The following TNFRSF8 variants were observed in gnomAD, a reference collection of about 807,000 sequenced individuals.
TNFRSF8 encodes TNF receptor superfamily member 8.
Under a neutral mutation model 70.8 loss-of-function variants are expected in TNFRSF8, and 26 were observed. That is an observed-to-expected ratio of 0.37 (90% CI 0.27 to 0.51). The LOEUF (loss-of-function observed/expected upper bound fraction) is 0.51, where lower values mean the gene tolerates loss of function less well. TNFRSF8 is among the 20% of genes least tolerant of loss of function. The pLI, the probability that TNFRSF8 is intolerant of heterozygous loss-of-function variation, is 0.94. For synonymous variants in TNFRSF8, 356 were observed against 339.2 expected, an observed-to-expected ratio of 1.05 and a Z score of -0.54; for missense variants, 720 against 807.9, an observed-to-expected ratio of 0.89 and a Z score of 1.32.
intron 2 of TNFRSF8, among the ~76,000 whole-genome samples, chr1:12,093,842 G>A (rs947106843): frequency 3.3e-5 from 5 of 152,050 alleles, no homozygotes; most frequent in African/African-American, 1.2e-4. Flanking sequence ...AGGCCAAGGC[G>A]GGACGGATCA....
At position 12,110,132 on chromosome 1, in the gene TNFRSF8, C is replaced by G; in HGVS notation, c.604C>G (p.Gln202Glu). 1 of 1,613,698 alleles carries G rather than the reference C, an allele frequency of 6.2e-7. No individual in the cohort carries two copies. Among genetic ancestry groups the G allele is most frequent in the East Asian group, 2.2e-5 (1 of 44,876 alleles). ...MPVRGGTRLA[Q>E]EAASKLTRAP... ...TGTAAGAGGGGGCACCCGCCTCGCC[C>G]AGGAAGCTGCTTCTAAACTGACGAG... Residue 202 changes from glutamine (Q) to glutamate (E), a missense_variant, in exon 6 of 15, where the codon CAG becomes GAG. Physicochemically the swap from Gln to Glu is conservative, Grantham distance 29. Transcript: ENST00000263932. The surrounding 1 kb of genome is among the most constrained non-coding windows in gnomAD (Gnocchi z 4.0).
At chr1:12,090,323 C>T (rs2100976617) in intron 2 of TNFRSF8, among the ~76,000 whole-genome samples, 1 of 134,274 alleles carries the variant, frequency 7.4e-6, no homozygotes, top group South Asian at 2.2e-4. Context: ...CACCTTTCCC[C>T]ATCCATCCAT....
chr1:12,104,288 C>A, intron 3 of TNFRSF8, 91 bp from the exon 4 acceptor site: 1 of 1,446,586 alleles, frequency 6.9e-7, no homozygotes, highest in Non-Finnish European at 9.7e-7. Flanking sequence ...GCGTTGCGGA[C>A]TGCACCTGCC....
chr1:12,091,898 T>G, intron 2 of TNFRSF8, among the ~76,000 whole-genome samples: 1 of 152,180 alleles, frequency 6.6e-6, no homozygotes, highest in Non-Finnish European at 1.5e-5. Flanking sequence ...CCCTTGCACG[T>G]GCAGTTCACA....
At chr1:12,131,981 A>G (rs906813710) in intron 12 of TNFRSF8, among the ~76,000 whole-genome samples, 1 of 150,624 alleles carries the variant, frequency 6.6e-6, no homozygotes, top group Non-Finnish European at 1.5e-5. Context: ...TTTAGTAGAG[A>G]TGGGGTTTCA....
At chr1:12,069,692 A>C (rs1640809060) in intron 1 of TNFRSF8, among the ~76,000 whole-genome samples, 1 of 152,206 alleles carries the variant, frequency 6.6e-6, no homozygotes, top group African/African-American at 2.4e-5. Context: ...CACCTTCTGC[A>C]TGCCAGGAAG....
Position 12,109,416 on chromosome 1 carries a change from A to T in TNFRSF8, c.422-150A>T. ...GATAGGCTGCTTTACTCTGAAGGGG[A>T]ACGGGTGCCAGGCGGGTGCCACCTC... On this transcript the variant is annotated intron_variant, in intron 4 of 14. Coordinates refer to ENST00000263932, the MANE Select transcript of TNFRSF8 (RefSeq NM_001243.5). The surrounding 1 kb of genome is among the most constrained non-coding windows in gnomAD (Gnocchi z 4.4). 1 of 610,010 alleles carries T rather than the reference A, an allele frequency of 1.6e-6. No homozygotes were observed. Among genetic ancestry groups the T allele is most frequent in the Non-Finnish European group, 2.9e-6 (1 of 342,112 alleles). 37.8% of individuals were successfully genotyped at this position (610,010 alleles called of 1,614,324 possible).
intron 1 of TNFRSF8, chr1:12,077,883 A>C (rs554409243): frequency 1.3e-5 from 2 of 148,722 alleles, no homozygotes; most frequent in Non-Finnish European, 3.0e-5. Context: ...TTTTTTTTTT[A>C]AATATGGACC....
Position 12,095,191 on chromosome 1 carries a change from G to A in TNFRSF8, c.152-1910G>A, listed in dbSNP as rs369734646. ...AGATTATATTACAGTAGCTGCAGAT[G>A]TTGTGAAATGTTGTCTGGGCTCATC... On this transcript the variant is annotated intron_variant, in intron 2 of 14. Transcript: ENST00000263932. 4.6e-5 allele frequency among the ~76,000 whole-genome samples: 7 copies of A among 152,242 alleles called. No individual in the cohort carries two copies. The East Asian group carries it at 7.7e-4, about 17-fold the overall frequency.
At chr1:12,114,126 C>T (rs903119517) in intron 7 of TNFRSF8, among the ~76,000 whole-genome samples, 1 of 152,242 alleles carries the variant, frequency 6.6e-6, no homozygotes, top group African/African-American at 2.4e-5. Flanking sequence ...CTCTAGAACC[C>T]GAGTGCCGGG....
At chr1:12,104,265 G>A in intron 3 of TNFRSF8, 114 bp from the exon 4 acceptor site, 1 of 1,115,606 alleles carries the variant, frequency 9.0e-7, no homozygotes. Flanking sequence ...GGTTGAGCTG[G>A]GAGGCGGAGG....
chr1:12,142,502 C>T lies in TNFRSF8; in HGVS notation c.1759C>T (p.Pro587Ser). 4 of 1,583,478 alleles carry T rather than the reference C, an allele frequency of 2.5e-6. No homozygotes were observed. Among genetic ancestry groups the T allele is most frequent in the Non-Finnish European group, 2.6e-6 (3 of 1,164,904 alleles). Residue 587 changes from proline to serine, a missense_variant, in exon 15 of 15, where the codon CCC (proline) becomes TCC (serine). Physicochemically the swap from Pro to Ser is moderately conservative, Grantham distance 74 (BLOSUM62 -1). Coordinates refer to ENST00000263932, the MANE Select transcript of TNFRSF8 (RefSeq NM_001243.5). This position sits in a 1 kb window ranked among gnomAD's most constrained non-coding sequence, Gnocchi z 5.0. Reference sequence around the variant, plus strand: ...AGTGGAAGAGGAAGGGAAAGAAGACCCCTTGCCCACAGCTGCCTCTGGAAA... The same window carrying T: ...AGTGGAAGAGGAAGGGAAAGAAGACTCCTTGCCCACAGCTGCCTCTGGAAA... ...LSVEEEGKED[P>S]LPTAASGK
chr1:12,131,937 G>A (rs1435422689), intron 12 of TNFRSF8, among the ~76,000 whole-genome samples: 1 of 151,844 alleles, frequency 6.6e-6, no homozygotes. Flanking sequence ...GGGATTATAG[G>A]CGCGCGCCAC....
At chr1:12,079,874 C>A (rs961541948) in intron 1 of TNFRSF8, among the ~76,000 whole-genome samples, 1 of 152,018 alleles carries the variant, frequency 6.6e-6, no homozygotes, top group Non-Finnish European at 1.5e-5. Context: ...TGGCTTTGTA[C>A]ATCTGTGTTC....
At chr1:12,114,644 A>G (rs1641693287) in intron 7 of TNFRSF8, among the ~76,000 whole-genome samples, 1 of 151,814 alleles carries the variant, frequency 6.6e-6, no homozygotes. Context: ...ACACTTATTA[A>G]AAATAATACC....
rs1284641768 is a variant in TNFRSF8 at position 12,108,135 on chromosome 1, A to G, written c.422-1431A>G. 6.6e-6 allele frequency among the ~76,000 whole-genome samples: 1 copy of G among 150,538 alleles called. No homozygotes were observed. The highest frequency in any genetic ancestry group is 2.0e-4 in the East Asian group (1 of 5,110). On this transcript the variant is annotated intron_variant, in intron 4 of 14. Transcript: ENST00000263932. This position sits in a 1 kb window ranked among gnomAD's most constrained non-coding sequence, Gnocchi z 4.0. ...GATCTGTCACCCAGACTAGAGTGCA[A>G]TGGTGTGATCTCAGCTCACTGCAAC... is the stretch of plus-strand genomic sequence containing the variant.
At chr1:12,082,221 C>T (rs911311086) in intron 1 of TNFRSF8, among the ~76,000 whole-genome samples, 23 of 152,234 alleles carry the variant, frequency 1.5e-4, no homozygotes, top group Admixed American at 1.5e-3. Context: ...TTCAAAGAAC[C>T]CTTGAAACAC....
At chr1:12,097,642 C>T (rs907295967) in intron 3 of TNFRSF8, among the ~76,000 whole-genome samples, 2 of 151,864 alleles carry the variant, frequency 1.3e-5, no homozygotes, top group Admixed American at 6.6e-5. Context: ...GATCACAGGA[C>T]TTCCAGGAAA....
intron 2 of TNFRSF8, among the ~76,000 whole-genome samples, chr1:12,087,165 CTTTTTTT>C (rs71230982): frequency 1.3e-4 from 11 of 83,944 alleles, no homozygotes; most frequent in South Asian, 4.6e-4. Context: ...CTCTCTCTCT[CTTTTTTT>C]TTTTTTTTTT....
Sources: allele counts gnomAD v4.1 joint callset (sites outside exome capture counted in the v4.1 genomes callset), GRCh38; gene constraint gnomAD v4.1.1; non-coding constraint Gnocchi (gnomAD v3.1); transcripts MANE v1.5; gene names NCBI Gene and HGNC (gene_info 2026-07-23, HGNC 2026-07-21).